SMYD3: variants seen among roughly 807,000 people sequenced by gnomAD.
The protein encoded by SMYD3 is histone-lysine N-methyltransferase SMYD3.
SMYD3 carries 36 observed loss-of-function variants against 57.7 expected under a neutral mutation model. The ratio of observed to expected loss-of-function variants is 0.62; its 90% CI spans 0.48 to 0.82. The LOEUF (loss-of-function observed/expected upper bound fraction) is 0.82. SMYD3 is among the 40% of genes least tolerant of loss of function. The pLI is 0.00. For synonymous variants in SMYD3, 211 were observed against 195.0 expected (o/e 1.08, Z -0.68); for missense variants, 515 against 538.8 (o/e 0.96, Z 0.44).
intron 2 of SMYD3, among the ~76,000 whole-genome samples, chr1:246,337,882 T>C (rs911013361): frequency 5.3e-5 from 8 of 152,350 alleles, no homozygotes; most frequent in African/African-American, 1.9e-4. Flanking sequence ...ACCGATCAGT[T>C]AGATGACAGC....
intron 5 of SMYD3, among the ~76,000 whole-genome samples, chr1:246,159,812 G>T (rs988127628): frequency 3.3e-5 from 5 of 152,046 alleles, no homozygotes; most frequent in Admixed American, 6.6e-5. Flanking sequence ...CCAGGTCCTG[G>T]AGTGGGGGGA....
intron 2 of SMYD3, among the ~76,000 whole-genome samples, chr1:246,345,303 G>A (rs187235030): frequency 1.3e-5 from 2 of 151,922 alleles, no homozygotes; most frequent in Non-Finnish European, 2.9e-5. Flanking sequence ...ACAATTTTTT[G>A]AAAAGATCAT....
At chr1:246,018,315 G>T (rs927625046) in intron 5 of SMYD3, among the ~76,000 whole-genome samples, 1 of 152,012 alleles carries the variant, frequency 6.6e-6, no homozygotes, top group Non-Finnish European at 1.5e-5. Flanking sequence ...TCTCCTGCCC[G>T]GCTGCCAGGT....
intron 8 of SMYD3, among the ~76,000 whole-genome samples, chr1:245,872,583 A>G (rs997773346): frequency 6.6e-6 from 1 of 152,240 alleles, no homozygotes; most frequent in Non-Finnish European, 1.5e-5. Flanking sequence ...TGTGAGCCCA[A>G]TCCAAACAAA....
chr1:245,948,836 G>A (rs1334420773), intron 5 of SMYD3, among the ~76,000 whole-genome samples: 2 of 152,072 alleles, frequency 1.3e-5, no homozygotes, highest in African/African-American at 4.8e-5. Flanking sequence ...CACCACCTAG[G>A]ACCAAAGCAC....
intron 5 of SMYD3, among the ~76,000 whole-genome samples, chr1:245,986,820 A>G (rs2058715243): frequency 6.6e-6 from 1 of 152,250 alleles, no homozygotes; most frequent in South Asian, 2.1e-4. Context: ...TCAAGCTTCA[A>G]GTAGTTAAAA....
At chr1:246,244,230 C>T (rs1429414153) in intron 5 of SMYD3, among the ~76,000 whole-genome samples, 2 of 152,036 alleles carry the variant, frequency 1.3e-5, no homozygotes, top group Non-Finnish European at 2.9e-5. Context: ...TAAAAGAGGC[C>T]AAGGACACTT....
intron 5 of SMYD3, among the ~76,000 whole-genome samples, chr1:246,189,840 A>G (rs1270578538): frequency 6.6e-6 from 1 of 152,250 alleles, no homozygotes; most frequent in Non-Finnish European, 1.5e-5. Flanking sequence ...TCCCAGGCAC[A>G]GCAACGGCAA....
At chr1:245,903,117 C>G (rs1303656942) in intron 8 of SMYD3, among the ~76,000 whole-genome samples, 1 of 152,100 alleles carries the variant, frequency 6.6e-6, no homozygotes, top group African/African-American at 2.4e-5. Flanking sequence ...AGTTAATGAT[C>G]TGAATAAATT....
At chr1:246,025,064 G>A (rs996710146) in intron 5 of SMYD3, among the ~76,000 whole-genome samples, 25 of 151,048 alleles carry the variant, frequency 1.7e-4, no homozygotes, top group Admixed American at 1.6e-3. Context: ...CAAGTGGACA[G>A]CATCTAGGAA....
intron 5 of SMYD3, among the ~76,000 whole-genome samples, chr1:246,089,941 G>A (rs937908830): frequency 2.0e-5 from 3 of 151,322 alleles, no homozygotes; most frequent in African/African-American, 7.3e-5. Context: ...TGGGGGAAAT[G>A]TGGGTATGGA....
At chr1:245,997,943 C>G (rs572061522) in intron 5 of SMYD3, among the ~76,000 whole-genome samples, 73 of 152,332 alleles carry the variant, frequency 4.8e-4, no homozygotes, top group African/African-American at 1.6e-3. Flanking sequence ...AGGCACTGTT[C>G]TGGCAATTGC....
At chr1:246,204,534 TAAATC>T (rs1440614762) in intron 5 of SMYD3, among the ~76,000 whole-genome samples, 1 of 148,800 alleles carries the variant, frequency 6.7e-6, no homozygotes, top group Non-Finnish European at 1.5e-5. Context: ...GGAGGAATGA[TAAATC>T]AAAGAATCTT....
chr1:245,885,739 C>T (rs2053054244), intron 8 of SMYD3, among the ~76,000 whole-genome samples: 1 of 152,182 alleles, frequency 6.6e-6, no homozygotes, highest in Non-Finnish European at 1.5e-5. Context: ...TAAAAACGTT[C>T]ATGGTCTTTT....
chr1:245,847,732 A>G (rs2050737132), intron 10 of SMYD3, among the ~76,000 whole-genome samples: 1 of 152,224 alleles, frequency 6.6e-6, no homozygotes, highest in African/African-American at 2.4e-5. Context: ...CCTGCTGCTT[A>G]GAGTACAATT....
chr1:246,301,727 T>C lies in SMYD3; in HGVS notation c.531+25474A>G, dbSNP rs78299546. 1.4e-3 allele frequency among the ~76,000 whole-genome samples: 218 copies of C among 152,302 alleles called. 1 individual carries two copies. Among genetic ancestry groups the C allele is most frequent in the Middle Eastern group, 3.4e-3 (1 of 294 alleles). ...GTGAATTCCCCAAGGGCAACTGATG[T>C]GTCTTTTTTATCTTTCTATTCCCAT... On this transcript the variant is annotated intron_variant, in intron 5 of 11. Transcript: ENST00000490107.
intron 5 of SMYD3, among the ~76,000 whole-genome samples, chr1:246,291,073 A>AT (rs2064680270): frequency 1.3e-5 from 2 of 152,186 alleles, no homozygotes; most frequent in Non-Finnish European, 1.5e-5. Flanking sequence ...AGTAGTCTTG[A>AT]TAAAAACAAA....
intron 5 of SMYD3, among the ~76,000 whole-genome samples, chr1:246,116,628 T>G (rs1278240579): frequency 6.6e-6 from 1 of 152,220 alleles, no homozygotes; most frequent in South Asian, 2.1e-4. Context: ...AGCTATGCTA[T>G]CTTACTGTCC....
chr1:246,307,661 C>T lies in SMYD3; in HGVS notation c.531+19540G>A, dbSNP rs374644737. ...GTCTCGATCTCCTGACCTCATGATC[C>T]GCCCGCCTCGGCCTCCCAAAGTGCT... On this transcript the variant is annotated intron_variant, in intron 5 of 11. Coordinates refer to ENST00000490107, the MANE Select transcript of SMYD3 (RefSeq NM_001167740.2). Among the ~76,000 whole-genome samples the T allele has an allele frequency of 2.3e-3, 355 of 152,076 alleles. 3 individuals are homozygous for T. The East Asian group carries it at 0.026, about 11-fold the overall frequency.
Sources: gnomAD v4.1 joint callset for allele counts (sites outside exome capture counted in the v4.1 genomes callset) on GRCh38, gnomAD v4.1.1 for gene constraint, MANE v1.5 for transcripts, NCBI Gene and HGNC (gene_info 2026-07-23, HGNC 2026-07-21) for gene names.